Variants in EEPD1 observed in about 807,000 individuals in gnomAD.
The protein encoded by EEPD1 is endonuclease/exonuclease/phosphatase family domain-containing protein 1.
Under a neutral mutation model 46.3 loss-of-function variants are expected in EEPD1, and 17 were observed. The ratio of observed to expected loss-of-function variants is 0.37; its 90% CI spans 0.25 to 0.55. EEPD1 has a LOEUF of 0.55. EEPD1 is among the 20% of genes least tolerant of loss of function. EEPD1 has a pLI of 0.83. For missense variants in EEPD1, 673 were observed against 745.6 expected, an observed-to-expected ratio of 0.90 and a Z score of 1.13; for synonymous variants, 313 against 315.6, an observed-to-expected ratio of 0.99 and a Z score of 0.09.
At chr7:36,218,953 TGGA>T (rs1786082636) in intron 2 of EEPD1, among the ~76,000 whole-genome samples, 1 of 152,086 alleles carries the variant, frequency 6.6e-6, no homozygotes, top group African/African-American at 2.4e-5. Flanking sequence ...GAGAAAGGCC[TGGA>T]GGAGAAGTGT....
chr7:36,274,563 T>C (rs1013681528), intron 3 of EEPD1, among the ~76,000 whole-genome samples: 1 of 152,216 alleles, frequency 6.6e-6, no homozygotes, highest in Non-Finnish European at 1.5e-5. Context: ...CATTTTTATT[T>C]TAAGTTCTGG....
At chr7:36,284,472 A>G (rs1787310105) in intron 4 of EEPD1, among the ~76,000 whole-genome samples, 1 of 152,204 alleles carries the variant, frequency 6.6e-6, no homozygotes, top group Admixed American at 6.5e-5. Context: ...CCCTGTCTGT[A>G]TGGAAAGCTC....
Position 36,284,279 on chromosome 7 carries a change from C to G in EEPD1, c.1042-407C>G, listed in dbSNP as rs559954032. Among the ~76,000 whole-genome samples the G allele has an allele frequency of 1.4e-4, 22 of 152,350 alleles. No homozygotes were observed. The South Asian group carries it at 1.9e-3, about 13-fold the overall frequency. Reference sequence around the variant, plus strand: ...ATCCCTTGGAGTTATATGTTTTAGTCTCAGCATTGTGATCAGCTGTGGGAT... The same window carrying G: ...ATCCCTTGGAGTTATATGTTTTAGTGTCAGCATTGTGATCAGCTGTGGGAT... On this transcript the variant is annotated intron_variant, in intron 4 of 7. Transcript: ENST00000242108.
At chr7:36,231,362 T>C (rs547965654) in intron 2 of EEPD1, among the ~76,000 whole-genome samples, 1 of 152,356 alleles carries the variant, frequency 6.6e-6, no homozygotes, top group East Asian at 1.9e-4. Context: ...AAATCATTGC[T>C]ATCAGCTGCT....
At chr7:36,291,305 C>A (rs1484732041) in intron 6 of EEPD1, among the ~76,000 whole-genome samples, 1 of 152,192 alleles carries the variant, frequency 6.6e-6, no homozygotes, top group Admixed American at 6.5e-5. Context: ...CCTGCTGATG[C>A]ACTTGGTGTC....
chr7:36,241,834 C>T (rs1030527977), intron 3 of EEPD1, among the ~76,000 whole-genome samples: 1 of 152,238 alleles, frequency 6.6e-6, no homozygotes. Flanking sequence ...CGCCATTGCA[C>T]TCCAGTCTGG....
intron 3 of EEPD1, among the ~76,000 whole-genome samples, chr7:36,261,559 T>C (rs1786926102): frequency 6.6e-6 from 1 of 152,170 alleles, no homozygotes; most frequent in East Asian, 1.9e-4. Flanking sequence ...TATCAGAAAA[T>C]GCTAACAATG....
intron 3 of EEPD1, among the ~76,000 whole-genome samples, chr7:36,250,416 C>T (rs1786717884): frequency 6.6e-6 from 1 of 152,090 alleles, no homozygotes; most frequent in South Asian, 2.1e-4. Flanking sequence ...GATGGAGCTG[C>T]CCTGAGTGGC....
chr7:36,154,427 G>T lies in EEPD1; in HGVS notation c.103G>T (p.Val35Leu), dbSNP rs1784780318. ...SAACNFSNIL[V>L]NQERLNINTA... ...AGCCTGTAACTTCAGCAACATTCTA[G>T]TGAATCAGGAGCGGCTCAACATCAA... is the stretch of plus-strand genomic sequence containing the variant. The change falls in exon 2 of 8, where the codon GTG becomes TTG. Residue 35 changes from valine to leucine, a missense_variant. By Grantham distance (32) the Val-to-Leu change is conservative. Coordinates refer to ENST00000242108, the MANE Select transcript of EEPD1 (RefSeq NM_030636.3). This position sits in a 1 kb window ranked among gnomAD's most constrained non-coding sequence, Gnocchi z 4.2. 2 of 1,614,094 alleles carry T rather than the reference G, an allele frequency of 1.2e-6. No homozygotes were observed. Among genetic ancestry groups the T allele is most frequent in the Non-Finnish European group, 1.7e-6 (2 of 1,180,058 alleles).
chr7:36,278,894 CA>C (rs1290306902), intron 3 of EEPD1, among the ~76,000 whole-genome samples: 1 of 152,170 alleles, frequency 6.6e-6, no homozygotes, highest in African/African-American at 2.4e-5. Flanking sequence ...CCCCTGTCAG[CA>C]GTGACTCTCT....
chr7:36,291,557 C>G (rs185844833), intron 6 of EEPD1, among the ~76,000 whole-genome samples: 17 of 152,316 alleles, frequency 1.1e-4, no homozygotes, highest in African/African-American at 3.8e-4. Flanking sequence ...ACTGATTTCT[C>G]CATGGTGTGG....
intron 3 of EEPD1, among the ~76,000 whole-genome samples, chr7:36,261,512 A>G (rs1022758082): frequency 6.6e-6 from 1 of 152,188 alleles, no homozygotes; most frequent in African/African-American, 2.4e-5. Context: ...GTTACATGCA[A>G]TTTCCTGTCT....
chr7:36,265,178 A>G (rs1786994258), intron 3 of EEPD1, among the ~76,000 whole-genome samples: 1 of 152,254 alleles, frequency 6.6e-6, no homozygotes. Flanking sequence ...CTGAGGGTCC[A>G]TGAGTCCTAA....
chr7:36,196,701 C>G (rs34084035), intron 2 of EEPD1, among the ~76,000 whole-genome samples: 1 of 152,154 alleles, frequency 6.6e-6, no homozygotes, highest in Non-Finnish European at 1.5e-5. Context: ...GACAGAGTCT[C>G]GTTAACTCAG....
At chr7:36,285,061 G>T (rs1415276426) in intron 5 of EEPD1, among the ~76,000 whole-genome samples, 1 of 152,146 alleles carries the variant, frequency 6.6e-6, no homozygotes, top group African/African-American at 2.4e-5. Flanking sequence ...AGGAGAGGGG[G>T]GAAGGAGGGA....
At chr7:36,188,097 G>T (rs1423519529) in intron 2 of EEPD1, among the ~76,000 whole-genome samples, 1 of 152,048 alleles carries the variant, frequency 6.6e-6, no homozygotes, top group African/African-American at 2.4e-5. Flanking sequence ...TGCCTGGCCT[G>T]TGCTGGTATT....
At chr7:36,298,872 C>G in intron 7 of EEPD1, 135 bp from the exon 8 acceptor site, 6 of 947,394 alleles carry the variant, frequency 6.3e-6, no homozygotes, top group Non-Finnish European at 9.7e-6. Flanking sequence ...CAGGCACCTT[C>G]CAGCTACCTG....
At chr7:36,171,488 T>C (rs1785080124) in intron 2 of EEPD1, among the ~76,000 whole-genome samples, 1 of 152,236 alleles carries the variant, frequency 6.6e-6, no homozygotes, top group Non-Finnish European at 1.5e-5. Context: ...TGGAATTATC[T>C]TTCATAGTTC....
intron 2 of EEPD1, among the ~76,000 whole-genome samples, chr7:36,163,655 G>A (rs957725869): frequency 1.9e-4 from 29 of 152,234 alleles, no homozygotes; most frequent in African/African-American, 4.3e-4. Context: ...CGAGGCGGGC[G>A]GATCATGAGG....
Sources: gnomAD v4.1 joint callset for allele counts (sites outside exome capture counted in the v4.1 genomes callset) on GRCh38, gnomAD v4.1.1 for gene constraint, Gnocchi (gnomAD v3.1) non-coding constraint, MANE v1.5 for transcripts, NCBI Gene and HGNC (gene_info 2026-07-23, HGNC 2026-07-21) for gene names.